Variants in C8A observed in about 807,000 individuals in gnomAD.
C8A encodes the protein complement C8 alpha chain.
In C8A, 67 loss-of-function variants were observed where a neutral mutation model predicts 65.3. That is an observed-to-expected ratio of 1.03 (90% confidence interval 0.84 to 1.26). C8A has a LOEUF of 1.26. Ranked by LOEUF, C8A falls within the 50% of genes most tolerant of loss-of-function variation. C8A has a pLI of 0.00. For synonymous variants in C8A, 290 were observed against 259.4 expected (o/e 1.12, Z -1.13); for missense variants, 781 against 723.9 (o/e 1.08, Z -0.90).
intron 7 of C8A, among the ~76,000 whole-genome samples, chr1:56,903,889 G>A (rs1167189170): frequency 6.6e-6 from 1 of 152,178 alleles, no homozygotes; most frequent in South Asian, 2.1e-4. Context: ...TCAATGTACA[G>A]CCTGGGTTGG....
chr1:56,895,513 T>G (rs1480020840), intron 7 of C8A, among the ~76,000 whole-genome samples: 1 of 152,104 alleles, frequency 6.6e-6, no homozygotes, highest in Non-Finnish European at 1.5e-5. Flanking sequence ...TAACCTAGGA[T>G]TTTTCAAACT....
At chr1:56,906,382 G>A (rs1435742868) in intron 7 of C8A, among the ~76,000 whole-genome samples, 1 of 152,092 alleles carries the variant, frequency 6.6e-6, no homozygotes, top group African/African-American at 2.4e-5. Flanking sequence ...GGATGAGATA[G>A]AATTATTGCC....
chr1:56,871,183 TA>T (rs1189716503), intron 2 of C8A, among the ~76,000 whole-genome samples: 3 of 152,190 alleles, frequency 2.0e-5, no homozygotes, highest in Non-Finnish European at 2.9e-5. Context: ...GCAAATGCCT[TA>T]AAAAATTATC....
intron 7 of C8A, among the ~76,000 whole-genome samples, chr1:56,887,093 C>T (rs191936100): frequency 9.9e-5 from 15 of 152,274 alleles, no homozygotes; most frequent in African/African-American, 3.1e-4. Context: ...ATCCATATTG[C>T]AAAGCCAAGT....
intron 7 of C8A, among the ~76,000 whole-genome samples, chr1:56,899,477 C>A (rs1048744977): frequency 5.9e-5 from 9 of 152,126 alleles, no homozygotes; most frequent in Non-Finnish European, 1.2e-4. Context: ...TAAAATGGGA[C>A]TGATCATTCC....
At chr1:56,907,890 G>T in intron 8 of C8A, 66 bp from the exon 9 acceptor site, 2 of 1,553,516 alleles carry the variant, frequency 1.3e-6, no homozygotes, top group South Asian at 1.1e-5. Flanking sequence ...TCATTAGTGG[G>T]GTTTGTCAAC....
At position 56,906,561 on chromosome 1, in the gene C8A, T is replaced by C. The variant is rs1644465308; in HGVS notation, c.1097-106T>C. The C allele has an allele frequency of 5.1e-6, 7 of 1,360,982 alleles. No individual in the cohort carries two copies. In the East Asian group the frequency reaches 1.6e-4, roughly 31 times the overall value. 84.3% of individuals were successfully genotyped at this position (1,360,982 alleles called of 1,614,324 possible). Reference sequence around the variant, plus strand: ...AACCGGGCTTTCAACCCAGGCCTTTTGGACTCCAAAGCTGAAGCTAGCTTT... The same window carrying C: ...AACCGGGCTTTCAACCCAGGCCTTTCGGACTCCAAAGCTGAAGCTAGCTTT... On this transcript the variant is annotated intron_variant, in intron 7 of 10. Coordinates refer to ENST00000361249, the MANE Select transcript of C8A (RefSeq NM_000562.3).
In C8A at chr1:56,885,914, C is replaced by T. The variant is rs375634050; in HGVS notation, c.856-13C>T. ...TTTGTTCTTTTGCTTTATTCAATGG[C>T]GGTTGCTGGCAGAAATTCATTTTCA... On this transcript the variant is annotated splice_polypyrimidine_tract_variant and intron_variant, in intron 6 of 10. Coordinates refer to ENST00000361249, the MANE Select transcript of C8A (RefSeq NM_000562.3). The T allele has an allele frequency of 1.4e-4, 232 of 1,613,688 alleles. 1 individual carries two copies. In the African/African-American group the frequency reaches 1.9e-3, roughly 13 times the overall value.
chr1:56,872,908 AG>A (rs1012429989), intron 2 of C8A, among the ~76,000 whole-genome samples: 1 of 151,964 alleles, frequency 6.6e-6, no homozygotes, highest in Non-Finnish European at 1.5e-5. Context: ...GAAAAAAAAA[AG>A]AAAGAAAGAA....
intron 6 of C8A, among the ~76,000 whole-genome samples, chr1:56,885,033 G>A (rs1644278101): frequency 6.7e-6 from 1 of 149,884 alleles, no homozygotes; most frequent in Non-Finnish European, 1.5e-5. Context: ...ATTAGCACTA[G>A]GAGAAGTGTG....
intron 2 of C8A, among the ~76,000 whole-genome samples, chr1:56,871,480 G>A (rs1054620079): frequency 6.6e-6 from 1 of 152,144 alleles, no homozygotes; most frequent in Admixed American, 6.5e-5. Flanking sequence ...CAGAAACCAG[G>A]CAAATTGATG....
rs1366027429 is a variant in C8A at position 56,907,985 on chromosome 1, G to A, written c.1252G>A (p.Asp418Asn). The change falls in exon 9 of 11, where the codon GAC (aspartate) becomes AAC (asparagine). Residue 418 changes from aspartate to asparagine, a missense_variant. Asp to Asn is a conservative substitution (Grantham distance 23). Transcript: ENST00000361249. ...GGCCAGGAAGGCCATGGCTGTGGAAGACATTATTTCTCGGGTGCGAGGTGG... is the reference window on the plus strand; with the variant it reads ...GGCCAGGAAGGCCATGGCTGTGGAAAACATTATTTCTCGGGTGCGAGGTGG... ...ERARKAMAVE[D>N]IISRVRGGSS... 17 of 1,614,102 alleles carry A rather than the reference G, an allele frequency of 1.1e-5. No individual in the cohort carries two copies. Among genetic ancestry groups the A allele is most frequent in the East Asian group, 2.2e-5 (1 of 44,900 alleles).
At chr1:56,873,982 G>A (rs1644172890) in intron 2 of C8A, among the ~76,000 whole-genome samples, 1 of 152,164 alleles carries the variant, frequency 6.6e-6, no homozygotes, top group African/African-American at 2.4e-5. Flanking sequence ...AGATTGGCGT[G>A]CATTTTAATT....
At chr1:56,889,889 T>A (rs926110655) in intron 7 of C8A, among the ~76,000 whole-genome samples, 16 of 152,210 alleles carry the variant, frequency 1.1e-4, no homozygotes, top group Middle Eastern at 3.4e-3. Flanking sequence ...GGAGGTGACG[T>A]TAGACTTCAA....
chr1:56,916,199 G>A (rs1489876674), intron 10 of C8A, among the ~76,000 whole-genome samples: 2 of 152,190 alleles, frequency 1.3e-5, no homozygotes, highest in African/African-American at 2.4e-5. Context: ...GGAGACAGAG[G>A]GCTGCTCCCA....
At chr1:56,885,879 A>G in intron 6 of C8A, 48 bp from the exon 7 acceptor site, 1 of 1,612,680 alleles carries the variant, frequency 6.2e-7, no homozygotes, top group Non-Finnish European at 8.5e-7. Flanking sequence ...ATGGTAAAAT[A>G]TATGCTCTCT....
In C8A at chr1:56,886,082, T is replaced by C. The variant is rs2101248090; in HGVS notation, c.1011T>C (p.Tyr337=). 6.2e-7 allele frequency: 1 copy of C among 1,614,056 alleles called. No individual in the cohort carries two copies. Residue 337 remains tyrosine (Y), a synonymous_variant, in exon 7 of 11, where the codon TAT becomes TAC. Coordinates refer to ENST00000361249, the MANE Select transcript of C8A (RefSeq NM_000562.3). Reference sequence around the variant, plus strand: ...TGTATGCCAAGTTCATCAATGACTATGGCACCCATTACATCACATCTGGAT... The same window carrying C: ...TGTATGCCAAGTTCATCAATGACTACGGCACCCATTACATCACATCTGGAT... ...YGMYAKFIND[Y]GTHYITSGSM... is the part of the protein sequence containing the mutation.
rs142224349 is a variant in C8A at position 56,893,642 on chromosome 1, T to A, written c.1096+7475T>A. On this transcript the variant is annotated intron_variant, in intron 7 of 10. Transcript: ENST00000361249. ...TGGTTGGAAACATGGACCCTGCCAC[T>A]TACTAACTGTGTAATCATGGGCAGA... 5.3e-5 allele frequency among the ~76,000 whole-genome samples: 8 copies of A among 152,320 alleles called. No individual in the cohort carries two copies. The East Asian group carries it at 1.5e-3, about 29-fold the overall frequency.
intron 7 of C8A, 126 bp from the exon 8 acceptor site, chr1:56,906,541 G>A (rs1644465154): frequency 1.9e-6 from 2 of 1,031,590 alleles, no homozygotes; most frequent in African/African-American, 3.2e-5. Flanking sequence ...TAAAGAACCG[G>A]GCTTTCAACC....
Sources: allele counts gnomAD v4.1 joint callset (sites outside exome capture counted in the v4.1 genomes callset), GRCh38; gene constraint gnomAD v4.1.1; transcripts MANE v1.5; gene names NCBI Gene and HGNC (gene_info 2026-07-23, HGNC 2026-07-21).